Variants in NCAM1 observed in about 807,000 individuals in gnomAD.
NCAM1 encodes the protein antigen recognized by monoclonal antibody 5.1H11.
A neutral mutation model predicts 109.8 loss-of-function variants in NCAM1; 14 were observed. The ratio of observed to expected loss-of-function variants is 0.13; its 90% confidence interval spans 0.08 to 0.20. The LOEUF (loss-of-function observed/expected upper bound fraction) is 0.20, where lower values mean the gene tolerates loss of function less well. Ranked by LOEUF, NCAM1 falls within the 10% of genes least tolerant of loss-of-function variation. NCAM1 has a pLI of 1.00. For missense variants in NCAM1, 774 were observed against 1,109.9 expected, an observed-to-expected ratio of 0.70 and a Z score of 4.30; for synonymous variants, 418 against 442.9, an observed-to-expected ratio of 0.94 and a Z score of 0.70.
At chr11:113,138,021 G>A (rs7121187) in intron 1 of NCAM1, among the ~76,000 whole-genome samples, 65,579 of 149,550 alleles carry the variant, frequency 0.44, 15,084 homozygotes, top group Middle Eastern at 0.6. Flanking sequence ...TTACCCTAGG[G>A]AAAAAAAAAA....
rs1266711296 is a variant in NCAM1 at position 113,275,316 on chromosome 11, C to G, written c.2506C>G (p.Pro836Ala). 2 of 1,613,548 alleles carry G rather than the reference C, an allele frequency of 1.2e-6. No homozygotes were observed. The highest frequency in any genetic ancestry group is 1.7e-6 in the Non-Finnish European group (2 of 1,179,788). Residue 836 changes from proline (P) to alanine (A), a missense_variant, in exon 20 of 20, where the codon CCA becomes GCA. Pro to Ala is a conservative substitution (Grantham distance 27, BLOSUM62 -1). Around this residue, in one of 4 missense-constraint regions of NCAM1, gnomAD observed 122 missense variants for 129.7 expected, o/e 0.94. Coordinates refer to ENST00000316851, the MANE Select transcript of NCAM1 (RefSeq NM_181351.5). ...KPECQETETK[P>A]APAEVKTVPN... Reference sequence around the variant, plus strand: ...AGAGTGCCAGGAGACAGAAACGAAGCCAGCGCCAGCCGAAGTCAAGACGGT... The same window carrying G: ...AGAGTGCCAGGAGACAGAAACGAAGGCAGCGCCAGCCGAAGTCAAGACGGT...
intron 1 of NCAM1, among the ~76,000 whole-genome samples, chr11:113,123,235 T>C (rs782316130): frequency 6.6e-6 from 1 of 152,164 alleles, no homozygotes; most frequent in African/African-American, 2.4e-5. Flanking sequence ...CACAAAGAAA[T>C]GATAAACGTT....
chr11:113,070,875 C>T (rs1212536265), intron 1 of NCAM1, among the ~76,000 whole-genome samples: 1 of 152,092 alleles, frequency 6.6e-6, no homozygotes, highest in African/African-American at 2.4e-5. Context: ...CTGGATGCCT[C>T]CCTCACAGAA....
rs560329107 is a variant in NCAM1 at position 113,167,262 on chromosome 11, A to G, written c.53-35117A>G. ...ACTCAAATGTCCTTTGTATGTATAT[A>G]TATCTTTCTAAGCTTCATCACTCCC... On this transcript the variant is annotated intron_variant, in intron 1 of 19. Transcript: ENST00000316851. Among the ~76,000 whole-genome samples, 3 of 152,330 alleles carry G rather than the reference A, an allele frequency of 2.0e-5. No individual in the cohort carries two copies. In the South Asian group the frequency reaches 6.2e-4, roughly 32 times the overall value.
At chr11:113,036,432 C>A (rs1952888041) in intron 1 of NCAM1, among the ~76,000 whole-genome samples, 1 of 152,038 alleles carries the variant, frequency 6.6e-6, no homozygotes, top group Non-Finnish European at 1.5e-5. Context: ...GCCTCTCCCC[C>A]ATTCCATTGC....
At chr11:113,173,847 G>A (rs1943068748) in intron 1 of NCAM1, among the ~76,000 whole-genome samples, 1 of 151,754 alleles carries the variant, frequency 6.6e-6, no homozygotes, top group East Asian at 1.9e-4. Flanking sequence ...TGGTGGCCTC[G>A]GGCAGCAGGT....
At chr11:112,983,295 C>T (rs1169262245) in intron 1 of NCAM1, among the ~76,000 whole-genome samples, 1 of 151,840 alleles carries the variant, frequency 6.6e-6, no homozygotes, top group African/African-American at 2.4e-5. Context: ...GTGTAGCTCT[C>T]ATGGATTTCA....
intron 1 of NCAM1, among the ~76,000 whole-genome samples, chr11:112,965,426 AT>A (rs66758562): frequency 0.11 from 16,823 of 152,178 alleles, 1,099 homozygotes; most frequent in East Asian, 0.32. Context: ...AATTCCTCAG[AT>A]AGGTAATATG....
rs371083821 is a variant in NCAM1 at position 113,199,786 on chromosome 11, T to C, written c.53-2593T>C. On this transcript the variant is annotated intron_variant, in intron 1 of 19. Coordinates refer to ENST00000316851, the MANE Select transcript of NCAM1 (RefSeq NM_181351.5). ...TACCCTAAAACTTAAAGTATAATAA[T>C]AAAAAAAAGAATATTTTGCAAATAA... is the stretch of plus-strand genomic sequence containing the variant. Among the ~76,000 whole-genome samples, 36 of 52,426 alleles carry C rather than the reference T, an allele frequency of 6.9e-4. No homozygotes were observed. The East Asian group carries it at 0.013, about 19-fold the overall frequency. 34.4% of individuals were successfully genotyped at this position (52,426 alleles called of 152,430 possible).
At chr11:113,107,681 A>T (rs1250342102) in intron 1 of NCAM1, among the ~76,000 whole-genome samples, 2 of 152,148 alleles carry the variant, frequency 1.3e-5, no homozygotes, top group Non-Finnish European at 2.9e-5. Context: ...CGAGGACAGT[A>T]TGGAGGAAAC....
At chr11:113,203,766 G>GA (rs1187034086) in intron 2 of NCAM1, among the ~76,000 whole-genome samples, 5 of 152,184 alleles carry the variant, frequency 3.3e-5, no homozygotes, top group African/African-American at 1.2e-4. Flanking sequence ...AATGTGGCTG[G>GA]AAAAAATGAA....
At chr11:113,261,516 G>T (rs1366594718) in intron 17 of NCAM1, among the ~76,000 whole-genome samples, 2 of 152,152 alleles carry the variant, frequency 1.3e-5, no homozygotes, top group African/African-American at 4.8e-5. Context: ...TGGGGTGGGT[G>T]TTTCTCCACA....
intron 1 of NCAM1, among the ~76,000 whole-genome samples, chr11:113,074,879 G>A (rs1591303732): frequency 6.6e-6 from 1 of 151,996 alleles, no homozygotes; most frequent in African/African-American, 2.4e-5. Context: ...TGATCTGCCC[G>A]CCTCGGCCTC....
chr11:113,066,463 GCCAAGTGTTTT>G, intron 1 of NCAM1, among the ~76,000 whole-genome samples: 1 of 152,176 alleles, frequency 6.6e-6, no homozygotes, highest in East Asian at 1.9e-4. Context: ...AGGTAAAAAG[GCCAAGTGTTTT>G]CCTAGGATCA....
chr11:112,972,918 C>CTA (rs1950920643), intron 1 of NCAM1, among the ~76,000 whole-genome samples: 1 of 152,064 alleles, frequency 6.6e-6, no homozygotes, highest in Admixed American at 6.6e-5. Flanking sequence ...GCGCATTGAA[C>CTA]TATGCATCAC....
At chr11:113,054,293 A>C (rs1018849042) in intron 1 of NCAM1, among the ~76,000 whole-genome samples, 1 of 152,200 alleles carries the variant, frequency 6.6e-6, no homozygotes, top group Non-Finnish European at 1.5e-5. Flanking sequence ...TGTTCTTTTT[A>C]AAATTCCTGT....
intron 1 of NCAM1, among the ~76,000 whole-genome samples, chr11:113,029,572 G>T (rs1952654281): frequency 1.3e-5 from 2 of 152,202 alleles, no homozygotes; most frequent in African/African-American, 4.8e-5. Flanking sequence ...AGCCAGTTCA[G>T]ATGACAGCAG....
At chr11:113,255,236 T>C (rs1945803101) in intron 15 of NCAM1, among the ~76,000 whole-genome samples, 1 of 152,208 alleles carries the variant, frequency 6.6e-6, no homozygotes, top group African/African-American at 2.4e-5. Flanking sequence ...ATAAGAGCCA[T>C]AAGGATACTT....
At chr11:113,007,843 T>C (rs1289433385) in intron 1 of NCAM1, among the ~76,000 whole-genome samples, 1 of 152,232 alleles carries the variant, frequency 6.6e-6, no homozygotes, top group Non-Finnish European at 1.5e-5. Flanking sequence ...AGTCAAAATA[T>C]AATTCAAAGT....
Sources: allele counts gnomAD v4.1 joint callset (sites outside exome capture counted in the v4.1 genomes callset), GRCh38; gene constraint gnomAD v4.1.1; regional missense constraint gnomAD v4.1.1; transcripts MANE v1.5; gene names NCBI Gene and HGNC (gene_info 2026-07-23, HGNC 2026-07-21).